CEP128: variants seen among roughly 807,000 people sequenced by gnomAD.
CEP128 encodes centrosomal protein 128, also known as centrosomal protein 128kDa.
CEP128 carries 132 observed loss-of-function variants against 156.7 expected under a neutral mutation model. The ratio of observed to expected loss-of-function variants is 0.84; its 90% CI spans 0.73 to 0.97. The LOEUF (loss-of-function observed/expected upper bound fraction) is 0.97. Ranked by LOEUF, CEP128 falls within the 50% of genes least tolerant of loss-of-function variation. The pLI is 0.00. For missense variants in CEP128, 1,252 were observed against 1,281.9 expected (o/e 0.98, Z 0.36); for synonymous variants, 469 against 448.9 (o/e 1.04, Z -0.57).
At chr14:80,901,122 C>T (rs1883536437) in intron 6 of CEP128, among the ~76,000 whole-genome samples, 1 of 151,714 alleles carries the variant, frequency 6.6e-6, no homozygotes, top group African/African-American at 2.4e-5. Context: ...AGGAGAATGG[C>T]GTGAACCCGG....
At position 80,680,413 on chromosome 14, in the gene CEP128, C is replaced by A. The variant is rs2630274; in HGVS notation, c.2806+62662G>T. On this transcript the variant is annotated intron_variant, in intron 19 of 24. Coordinates refer to ENST00000555265, the MANE Select transcript of CEP128 (RefSeq NM_152446.5). Reference sequence around the variant, plus strand: ...AGATCCTGGTGAGCACGGCCCTCTGCGCTCCATGCCCAGGAAGATCTCCAG... The same window carrying A: ...AGATCCTGGTGAGCACGGCCCTCTGAGCTCCATGCCCAGGAAGATCTCCAG... Among the ~76,000 whole-genome samples the A allele has an allele frequency of 2.6e-5, 4 of 152,116 alleles. No individual in the cohort carries two copies. In the East Asian group the frequency reaches 7.7e-4, roughly 29 times the overall value.
intron 21 of CEP128, among the ~76,000 whole-genome samples, chr14:80,557,418 A>T (rs1461510231): frequency 6.6e-6 from 1 of 152,244 alleles, no homozygotes; most frequent in African/African-American, 2.4e-5. Context: ...AGGAAACAAG[A>T]AAGAAGTCAT....
At chr14:80,767,088 T>A (rs1900276428) in intron 16 of CEP128, among the ~76,000 whole-genome samples, 1 of 152,130 alleles carries the variant, frequency 6.6e-6, no homozygotes, top group Non-Finnish European at 1.5e-5. Context: ...AAACCATTTA[T>A]CTGACTCTCT....
intron 8 of CEP128, among the ~76,000 whole-genome samples, chr14:80,880,865 AAATAAT>A (rs375304920): frequency 0.4 from 50,227 of 124,620 alleles, 9,763 homozygotes; most frequent in South Asian, 0.49. Flanking sequence ...TCCATCTCAA[AAATAAT>A]AATAATAATA....
chr14:80,877,414 C>T (rs1022479065), intron 8 of CEP128, among the ~76,000 whole-genome samples: 4 of 152,048 alleles, frequency 2.6e-5, no homozygotes, highest in Non-Finnish European at 5.9e-5. Context: ...TATAAAATAG[C>T]ATGAAAGATA....
chr14:80,724,194 C>T (rs1176697189), intron 19 of CEP128, among the ~76,000 whole-genome samples: 4 of 152,122 alleles, frequency 2.6e-5, no homozygotes, highest in Non-Finnish European at 5.9e-5. Context: ...TATTTACTAA[C>T]ACTTTTGTTC....
chr14:80,774,626 CGTGTGT>C lies in CEP128; in HGVS notation c.2376+3250_2376+3255del, dbSNP rs1179738887. Among the ~76,000 whole-genome samples the C allele has an allele frequency of 2.0e-5, 3 of 150,508 alleles. No homozygotes were observed. The East Asian group carries it at 5.9e-4, about 29-fold the overall frequency. ...ATATACATATGTGTGTGTGTGTGTG[CGTGTGT>C]GTGTATGTGTGTGTGTGTGTATACA... On this transcript the variant is annotated intron_variant, in intron 16 of 24. Coordinates refer to ENST00000555265, the MANE Select transcript of CEP128 (RefSeq NM_152446.5).
intron 19 of CEP128, among the ~76,000 whole-genome samples, chr14:80,658,531 C>T (rs987241052): frequency 1.7e-4 from 26 of 152,282 alleles, no homozygotes; most frequent in African/African-American, 6.3e-4. Flanking sequence ...AGCTTACATA[C>T]TTATTTATTT....
chr14:80,742,622 G>A (rs1260438583), intron 19 of CEP128: 1 of 156,404 alleles, frequency 6.4e-6, no homozygotes, highest in African/African-American at 2.4e-5. Flanking sequence ...GTATCTATTT[G>A]TAATATGTAT....
At chr14:80,480,635 C>A (rs1887034414) in intron 14 of CEP128, among the ~76,000 whole-genome samples, 2 of 152,250 alleles carry the variant, frequency 1.3e-5, no homozygotes, top group Admixed American at 6.5e-5. Flanking sequence ...ATAGGTTTTT[C>A]TTTTCTATTG....
At chr14:80,524,120 C>T (rs1363536900) in intron 23 of CEP128, among the ~76,000 whole-genome samples, 2 of 152,210 alleles carry the variant, frequency 1.3e-5, no homozygotes, top group African/African-American at 4.8e-5. Flanking sequence ...ACTATTCTCT[C>T]CTTTAATACC....
intron 9 of CEP128, among the ~76,000 whole-genome samples, chr14:80,841,980 CTA>C (rs1312922653): frequency 6.6e-6 from 1 of 151,858 alleles, no homozygotes; most frequent in Admixed American, 6.6e-5. Context: ...ATCCAAATTT[CTA>C]TGTTTAAGTT....
At chr14:80,774,379 A>C (rs1900674349) in intron 16 of CEP128, among the ~76,000 whole-genome samples, 1 of 152,192 alleles carries the variant, frequency 6.6e-6, no homozygotes, top group Non-Finnish European at 1.5e-5. Context: ...TGTTAAGCAA[A>C]TTAGAAAGCG....
At chr14:80,657,086 C>T (rs770483954) in intron 19 of CEP128, among the ~76,000 whole-genome samples, 5 of 151,778 alleles carry the variant, frequency 3.3e-5, no homozygotes, top group Non-Finnish European at 7.4e-5. Context: ...GGTGAAACCC[C>T]GTCACTACTA....
chr14:80,911,225 A>G (rs117604477), intron 4 of CEP128, among the ~76,000 whole-genome samples: 1 of 152,358 alleles, frequency 6.6e-6, no homozygotes, highest in Non-Finnish European at 1.5e-5. Context: ...CAGGCCGGGT[A>G]TGGTAGCTCA....
intron 16 of CEP128, among the ~76,000 whole-genome samples, chr14:80,776,491 T>C (rs1900797431): frequency 6.8e-6 from 1 of 147,962 alleles, no homozygotes; most frequent in African/African-American, 2.4e-5. Context: ...ATATTTAATT[T>C]TATATTTATA....
In CEP128 at chr14:80,811,766, GTTA is replaced by G. The variant is rs1338693626; in HGVS notation, c.1210-18659_1210-18657del. ...CAGATAGACAGGTAACAGTCCTTTG[GTTA>G]TTATCTCTCTTCTGCGTCTGTGTGT... On this transcript the variant is annotated intron_variant, in intron 13 of 24. Coordinates refer to ENST00000555265, the MANE Select transcript of CEP128 (RefSeq NM_152446.5). 3.4e-5 allele frequency among the ~76,000 whole-genome samples: 5 copies of G among 147,694 alleles called. No individual in the cohort carries two copies. The East Asian group carries it at 9.9e-4, about 29-fold the overall frequency.
At chr14:80,660,301 A>C (rs558671714) in intron 19 of CEP128, among the ~76,000 whole-genome samples, 1 of 152,176 alleles carries the variant, frequency 6.6e-6, no homozygotes, top group Non-Finnish European at 1.5e-5. Flanking sequence ...CAGCTTCTAC[A>C]TATTACATGA....
intron 14 of CEP128, among the ~76,000 whole-genome samples, chr14:80,479,871 G>A (rs1887017363): frequency 6.6e-6 from 1 of 152,184 alleles, no homozygotes; most frequent in Non-Finnish European, 1.5e-5. Flanking sequence ...TAGGAGTTCA[G>A]GTATTGGGTA....
Sources: gnomAD v4.1 joint callset for allele counts (sites outside exome capture counted in the v4.1 genomes callset) on GRCh38, gnomAD v4.1.1 for gene constraint, MANE v1.5 for transcripts, NCBI Gene and HGNC (gene_info 2026-07-23, HGNC 2026-07-21) for gene names.